STK33: variants seen among roughly 807,000 people sequenced by gnomAD.
The protein encoded by STK33 is serine/threonine-protein kinase 33.
In STK33, 52 loss-of-function variants were observed where a neutral mutation model predicts 58.0. The ratio of observed to expected loss-of-function variants is 0.90; its 90% CI spans 0.72 to 1.13. The LOEUF is 1.13. Ranked by LOEUF, STK33 falls within the 50% of genes most tolerant of loss-of-function variation. The pLI is 0.00. For synonymous variants in STK33, 215 were observed against 200.1 expected, an observed-to-expected ratio of 1.07 and a Z score of -0.63; for missense variants, 630 against 604.2, an observed-to-expected ratio of 1.04 and a Z score of -0.45.
At chr11:8,546,728 T>G (rs946043125) in intron 1 of STK33, among the ~76,000 whole-genome samples, 3 of 152,110 alleles carry the variant, frequency 2.0e-5, no homozygotes, top group Admixed American at 1.3e-4. Flanking sequence ...GATAATGACC[T>G]CCAGTTCCAC....
chr11:8,515,459 C>T (rs1952691311), intron 1 of STK33, among the ~76,000 whole-genome samples: 1 of 152,168 alleles, frequency 6.6e-6, no homozygotes, highest in South Asian at 2.1e-4. Flanking sequence ...ATAGACTTCA[C>T]TGGTGAATTC....
At chr11:8,518,093 A>C (rs1255365806) in intron 1 of STK33, among the ~76,000 whole-genome samples, 1 of 152,162 alleles carries the variant, frequency 6.6e-6, no homozygotes, top group African/African-American at 2.4e-5. Context: ...GCCAGAGAGA[A>C]AGGTCGGGTT....
chr11:8,562,426 G>A (rs1957174833), intron 1 of STK33, among the ~76,000 whole-genome samples: 1 of 152,092 alleles, frequency 6.6e-6, no homozygotes, highest in African/African-American at 2.4e-5. Flanking sequence ...CCCATGGCGT[G>A]TCCCAACACG....
At chr11:8,396,114 A>T (rs78024530) in intron 15 of STK33, among the ~76,000 whole-genome samples, 29,777 of 151,862 alleles carry the variant, frequency 0.2, 3,328 homozygotes, top group African/African-American at 0.3. Flanking sequence ...ATATATATAT[A>T]TTTTTTGAGG....
chr11:8,486,224 A>G (rs1950184974), intron 1 of STK33, among the ~76,000 whole-genome samples: 1 of 152,176 alleles, frequency 6.6e-6, no homozygotes, highest in Admixed American at 6.5e-5. Flanking sequence ...GTGGCTCCCA[A>G]AAGCACTGAG....
chr11:8,376,172 G>A, the STK33 span, among the ~76,000 whole-genome samples: 1 of 152,198 alleles, frequency 6.6e-6, no homozygotes, highest in African/African-American at 2.4e-5. Flanking sequence ...CAGCCACCAG[G>A]GCAAGGCTCT....
chr11:8,547,771 G>C (rs1041472672), intron 1 of STK33, among the ~76,000 whole-genome samples: 2 of 151,758 alleles, frequency 1.3e-5, no homozygotes, highest in Non-Finnish European at 2.9e-5. Flanking sequence ...GTGCTTTTGG[G>C]GTCTTATCCA....
At position 8,560,367 on chromosome 11, in the gene STK33, C is replaced by A. The variant is rs561428012; in HGVS notation, c.-466+33716G>T. On this transcript the variant is annotated intron_variant, in intron 1 of 15. Coordinates refer to ENST00000687296, the MANE Select transcript of STK33 (RefSeq NM_001352389.2). The stretch of plus-strand genomic sequence containing the variant: ...TTATAAATGAGGCTAAGTATTTTTT[C>A]AAATTTTTTTTCTGTAAAATATCTG... Among the ~76,000 whole-genome samples, 87 of 151,948 alleles carry A rather than the reference C, an allele frequency of 5.7e-4. 2 individuals are homozygous for A. The South Asian group carries it at 0.018, about 32-fold the overall frequency.
intron 15 of STK33, among the ~76,000 whole-genome samples, chr11:8,405,094 C>T (rs1045727353): frequency 1.3e-5 from 2 of 152,128 alleles, no homozygotes; most frequent in Non-Finnish European, 2.9e-5. Context: ...TGAGATTGCG[C>T]CATTGCAATC....
At chr11:8,495,650 T>C (rs2138892179) in intron 1 of STK33, among the ~76,000 whole-genome samples, 1 of 152,318 alleles carries the variant, frequency 6.6e-6, no homozygotes, top group East Asian at 1.9e-4. Flanking sequence ...CACGCACATG[T>C]ATATTTATTG....
chr11:8,571,902 A>C (rs1957841072), intron 1 of STK33, among the ~76,000 whole-genome samples: 1 of 149,948 alleles, frequency 6.7e-6, no homozygotes, highest in African/African-American at 2.4e-5. Flanking sequence ...ATTTTAAAAA[A>C]ATTTAAATTA....
chr11:8,440,355 C>A (rs1023852696), intron 12 of STK33, among the ~76,000 whole-genome samples: 2 of 152,056 alleles, frequency 1.3e-5, no homozygotes, highest in Admixed American at 6.6e-5. Flanking sequence ...TATAAGTGAA[C>A]CTCATGAGAA....
At chr11:8,460,031 G>T (rs1011224892) in intron 8 of STK33, among the ~76,000 whole-genome samples, 29 of 152,144 alleles carry the variant, frequency 1.9e-4, no homozygotes, top group African/African-American at 7.0e-4. Context: ...AGTCCTAAAG[G>T]TTGCTTTGGT....
At chr11:8,487,253 G>T (rs150457912) in intron 1 of STK33, among the ~76,000 whole-genome samples, 1 of 151,626 alleles carries the variant, frequency 6.6e-6, no homozygotes, top group East Asian at 1.9e-4. Context: ...GCAAGACCCC[G>T]TCTCTACAAA....
chr11:8,432,768 A>T (rs138395012), intron 14 of STK33, among the ~76,000 whole-genome samples: 232 of 152,314 alleles, frequency 1.5e-3, no homozygotes, highest in African/African-American at 5.5e-3. Flanking sequence ...GTAAGACTTC[A>T]AGTGGTTAAG....
intron 6 of STK33, among the ~76,000 whole-genome samples, chr11:8,472,749 C>G (rs979422901): frequency 2.6e-5 from 4 of 151,952 alleles, no homozygotes; most frequent in African/African-American, 9.7e-5. Flanking sequence ...TGGTATTTAT[C>G]CAATCGCAGG....
At chr11:8,387,142 G>A (rs999495), downstream of STK33, among the ~76,000 whole-genome samples, 28,681 of 152,124 alleles carry the variant, frequency 0.19, 3,274 homozygotes, top group African/African-American at 0.3. Flanking sequence ...GACCAAATTC[G>A]TCAACATGCA....
the STK33 span, among the ~76,000 whole-genome samples, chr11:8,351,088 A>T: frequency 1.3e-5 from 2 of 152,202 alleles, no homozygotes; most frequent in Middle Eastern, 3.4e-3. Context: ...AGATAGGACA[A>T]CTAACTACCC....
intron 15 of STK33, among the ~76,000 whole-genome samples, chr11:8,393,508 T>C (rs1848855956): frequency 6.6e-6 from 1 of 152,166 alleles, no homozygotes. Flanking sequence ...TAAGTGAAGC[T>C]GGAGCATAGA....
Sources: allele counts gnomAD v4.1 joint callset (sites outside exome capture counted in the v4.1 genomes callset), GRCh38; gene constraint gnomAD v4.1.1; transcripts MANE v1.5; gene names NCBI Gene and HGNC (gene_info 2026-07-23, HGNC 2026-07-21).